The following TBC1D22A variants were observed in gnomAD, a reference collection of about 807,000 sequenced individuals.
The protein encoded by TBC1D22A is putative GTPase activator.
Under a neutral mutation model 60.2 loss-of-function variants are expected in TBC1D22A, and 38 were observed. The observed-to-expected ratio is 0.63, with a 90% CI of 0.49 to 0.83. The LOEUF is 0.83. Among genes scored for constraint, TBC1D22A ranks in the 40% least tolerant of loss-of-function variants. TBC1D22A has a pLI of 0.00. For synonymous variants in TBC1D22A, 302 were observed against 281.7 expected, an observed-to-expected ratio of 1.07 and a Z score of -0.72; for missense variants, 628 against 701.0, an observed-to-expected ratio of 0.90 and a Z score of 1.18.
At chr22:46,762,871 G>C in intron 1 of TBC1D22A, 23 bp downstream of exon 1, 1 of 1,471,766 alleles carries the variant, frequency 6.8e-7, no homozygotes, top group Non-Finnish European at 9.0e-7. Context: ...CGGAGGGCCA[G>C]GTCGGGGTCA....
intron 11 of TBC1D22A, among the ~76,000 whole-genome samples, chr22:47,063,590 C>T (rs941719463): frequency 2.6e-5 from 4 of 152,128 alleles, no homozygotes; most frequent in African/African-American, 7.2e-5. Context: ...GCCTGGGTGC[C>T]CCTCCAGTCA....
At chr22:46,856,258 G>A (rs1285108479) in intron 4 of TBC1D22A, among the ~76,000 whole-genome samples, 1 of 152,238 alleles carries the variant, frequency 6.6e-6, no homozygotes, top group East Asian at 1.9e-4. Context: ...ACGTAGCGTA[G>A]CATCAGAACG....
chr22:46,835,685 C>CA (rs2086486222), intron 4 of TBC1D22A, among the ~76,000 whole-genome samples: 2 of 152,012 alleles, frequency 1.3e-5, no homozygotes, highest in South Asian at 4.1e-4. Flanking sequence ...GAAATAAGAA[C>CA]AAAAAATGTC....
intron 6 of TBC1D22A, among the ~76,000 whole-genome samples, chr22:46,892,038 G>A (rs191947734): frequency 3.9e-5 from 6 of 152,332 alleles, no homozygotes; most frequent in African/African-American, 1.4e-4. Context: ...ATGATTCACA[G>A]TACATCCAGA....
intron 6 of TBC1D22A, among the ~76,000 whole-genome samples, chr22:46,891,686 G>C (rs1184931567): frequency 6.6e-6 from 1 of 152,210 alleles, no homozygotes; most frequent in Non-Finnish European, 1.5e-5. Flanking sequence ...CCGGCCTTGG[G>C]GTGATGGTGG....
chr22:47,118,964 C>T (rs1040578748), intron 12 of TBC1D22A, among the ~76,000 whole-genome samples: 4 of 152,150 alleles, frequency 2.6e-5, no homozygotes, highest in African/African-American at 9.7e-5. Flanking sequence ...TCCTGGCCAA[C>T]GTGGTGGAAC....
At chr22:46,831,247 G>A (rs1602059663) in intron 4 of TBC1D22A, among the ~76,000 whole-genome samples, 3 of 152,170 alleles carry the variant, frequency 2.0e-5, no homozygotes, top group African/African-American at 7.2e-5. Flanking sequence ...CCTCCTGTGT[G>A]TCTGACATTG....
intron 11 of TBC1D22A, among the ~76,000 whole-genome samples, chr22:47,042,864 C>G (rs1239165412): frequency 2.6e-5 from 4 of 152,244 alleles, no homozygotes; most frequent in African/African-American, 9.6e-5. Flanking sequence ...TTATTTTCTT[C>G]AGCATGGCCA....
intron 12 of TBC1D22A, among the ~76,000 whole-genome samples, chr22:47,127,211 C>CT (rs997475587): frequency 2.8e-5 from 4 of 143,524 alleles, no homozygotes; most frequent in African/African-American, 5.1e-5. Context: ...TTGTCTTTAT[C>CT]TTTTTTTTTC....
intron 8 of TBC1D22A, among the ~76,000 whole-genome samples, chr22:46,937,116 G>A (rs1219117504): frequency 1.3e-5 from 2 of 152,120 alleles, no homozygotes; most frequent in Non-Finnish European, 2.9e-5. Context: ...GCATAATCTC[G>A]TGTCCATTTT....
At chr22:47,165,367 C>A (rs1170943316) in intron 12 of TBC1D22A, among the ~76,000 whole-genome samples, 1 of 152,116 alleles carries the variant, frequency 6.6e-6, no homozygotes, top group Non-Finnish European at 1.5e-5. Context: ...GAGCACGAAA[C>A]AACAGGGCGA....
chr22:46,915,130 C>T, intron 8 of TBC1D22A: 1 of 332,870 alleles, frequency 3.0e-6, no homozygotes, highest in East Asian at 7.5e-5. Context: ...GGGGTCGAGT[C>T]CCAGGGGTGT....
intron 10 of TBC1D22A, among the ~76,000 whole-genome samples, chr22:47,004,893 C>T (rs1031655317): frequency 1.3e-5 from 2 of 151,762 alleles, no homozygotes; most frequent in Non-Finnish European, 2.9e-5. Context: ...ACACACACCC[C>T]TATATATACA....
chr22:47,038,675 G>A (rs1455148002), intron 11 of TBC1D22A, among the ~76,000 whole-genome samples: 5 of 152,226 alleles, frequency 3.3e-5, no homozygotes, highest in African/African-American at 1.2e-4. Flanking sequence ...GTGGGTGTGA[G>A]TGTTTTGTGG....
At chr22:47,019,767 A>T (rs562078964) in intron 10 of TBC1D22A, among the ~76,000 whole-genome samples, 28 of 151,888 alleles carry the variant, frequency 1.8e-4, no homozygotes. Flanking sequence ...TCACTGGCTG[A>T]CCCATTTAAC....
At chr22:47,166,005 A>G (rs1036594733) in intron 12 of TBC1D22A, among the ~76,000 whole-genome samples, 8 of 152,216 alleles carry the variant, frequency 5.3e-5, no homozygotes, top group African/African-American at 1.2e-4. Flanking sequence ...AGAGTAGGCA[A>G]ATGGGCCTTT....
chr22:47,138,383 AC>A (rs997348181), intron 12 of TBC1D22A, among the ~76,000 whole-genome samples: 19 of 151,308 alleles, frequency 1.3e-4, no homozygotes, highest in African/African-American at 4.6e-4. Flanking sequence ...GGACACACAG[AC>A]CCCACCCCAA....
chr22:46,826,093 T>A (rs147538975), intron 4 of TBC1D22A, among the ~76,000 whole-genome samples: 1 of 152,060 alleles, frequency 6.6e-6, no homozygotes, highest in African/African-American at 2.4e-5. Flanking sequence ...GTGTTAGCCA[T>A]GATGGTCTCG....
At chr22:46,898,469 A>G (rs989219011) in intron 7 of TBC1D22A, among the ~76,000 whole-genome samples, 3 of 152,178 alleles carry the variant, frequency 2.0e-5, no homozygotes, top group Non-Finnish European at 4.4e-5. Context: ...AGAAGTGCAC[A>G]GTTTTCATAT....
Sources: gnomAD v4.1 joint callset for allele counts (sites outside exome capture counted in the v4.1 genomes callset) on GRCh38, gnomAD v4.1.1 for gene constraint, MANE v1.5 for transcripts, NCBI Gene and HGNC (gene_info 2026-07-23, HGNC 2026-07-21) for gene names.